The following MOXD1 variants were observed in gnomAD, a reference collection of about 807,000 sequenced individuals.
The protein encoded by MOXD1 is DBH-like monooxygenase protein 1.
A neutral mutation model predicts 66.6 loss-of-function variants in MOXD1; 62 were observed. The ratio of observed to expected loss-of-function variants is 0.93; its 90% confidence interval spans 0.76 to 1.15. The LOEUF (loss-of-function observed/expected upper bound fraction) is 1.15, where lower values mean the gene tolerates loss of function less well. Among genes scored for constraint, MOXD1 ranks in the 50% most tolerant of loss-of-function variants. The pLI is 0.00. For missense variants in MOXD1, 847 were observed against 754.6 expected (o/e 1.12, Z -1.44); for synonymous variants, 303 against 281.9 (o/e 1.07, Z -0.75).
intron 4 of MOXD1, among the ~76,000 whole-genome samples, chr6:132,330,047 G>C (rs1775283714): frequency 1.3e-5 from 2 of 152,102 alleles, no homozygotes; most frequent in Non-Finnish European, 2.9e-5. Flanking sequence ...CAAGAACCTA[G>C]GAATCAACTC....
At chr6:132,399,170 C>G (rs1562303869) in intron 1 of MOXD1, among the ~76,000 whole-genome samples, 1 of 152,048 alleles carries the variant, frequency 6.6e-6, no homozygotes. Context: ...TTTAAGTTAA[C>G]TGTCTTTCCA....
At chr6:132,303,766 T>C (rs1459308562) in intron 10 of MOXD1, among the ~76,000 whole-genome samples, 2 of 137,100 alleles carry the variant, frequency 1.5e-5, no homozygotes, top group African/African-American at 2.9e-5. Flanking sequence ...TATATATATA[T>C]ATACATACAT....
At chr6:132,370,806 G>A (rs1284572830) in intron 4 of MOXD1, among the ~76,000 whole-genome samples, 1 of 152,048 alleles carries the variant, frequency 6.6e-6, no homozygotes, top group Admixed American at 6.6e-5. Context: ...TTAATTCTAA[G>A]TTCATGTGTC....
intron 10 of MOXD1, among the ~76,000 whole-genome samples, chr6:132,302,029 T>C (rs1022317917): frequency 6.6e-6 from 1 of 152,156 alleles, no homozygotes; most frequent in Non-Finnish European, 1.5e-5. Context: ...GAAGCTTACA[T>C]ATTCAAGGTA....
chr6:132,374,513 A>T, intron 2 of MOXD1, 118 bp downstream of exon 2: 1 of 1,060,520 alleles, frequency 9.4e-7, no homozygotes, highest in Non-Finnish European at 1.2e-6. Flanking sequence ...AAAATCAAAA[A>T]AGATTTCAAA....
intron 4 of MOXD1, among the ~76,000 whole-genome samples, chr6:132,342,593 T>C (rs550179542): frequency 6.6e-6 from 1 of 152,228 alleles, no homozygotes; most frequent in Non-Finnish European, 1.5e-5. Context: ...ACATGAAGAT[T>C]AGATCTTGCT....
intron 8 of MOXD1, among the ~76,000 whole-genome samples, 163 bp from the exon 9 acceptor site, chr6:132,320,851 TAAC>T (rs1775064160): frequency 6.6e-6 from 1 of 152,234 alleles, no homozygotes; most frequent in African/African-American, 2.4e-5. Flanking sequence ...TTTGCTGATA[TAAC>T]AAGCAAGCAA....
chr6:132,356,055 G>A (rs1775904633), intron 4 of MOXD1, among the ~76,000 whole-genome samples: 1 of 152,204 alleles, frequency 6.6e-6, no homozygotes, highest in Admixed American at 6.5e-5. Context: ...AGTGATTTAA[G>A]TCAGCAAACT....
chr6:132,315,799 A>G, intron 9 of MOXD1, 22 bp from the exon 10 acceptor site: 1 of 1,612,102 alleles, frequency 6.2e-7, no homozygotes, highest in Non-Finnish European at 8.5e-7. Flanking sequence ...TAGTTTATTT[A>G]GCAAAGTATG....
intron 10 of MOXD1, among the ~76,000 whole-genome samples, chr6:132,298,936 AAAAT>A (rs1485847537): frequency 2.6e-5 from 4 of 152,244 alleles, no homozygotes; most frequent in Admixed American, 2.6e-4. Flanking sequence ...CACCCAAAGG[AAAAT>A]AAATAGTTCT....
At chr6:132,337,979 C>A (rs183712069) in intron 4 of MOXD1, among the ~76,000 whole-genome samples, 1 of 152,130 alleles carries the variant, frequency 6.6e-6, no homozygotes, top group African/African-American at 2.4e-5. Context: ...TGCGACTAAC[C>A]AGCTGTGGGA....
chr6:132,308,638 C>T (rs978849954), intron 10 of MOXD1, among the ~76,000 whole-genome samples: 19 of 152,074 alleles, frequency 1.2e-4, no homozygotes, highest in African/African-American at 4.3e-4. Flanking sequence ...ACTGGCAAAC[C>T]AAATCCAGCA....
intron 4 of MOXD1, among the ~76,000 whole-genome samples, chr6:132,334,569 C>A (rs900197254): frequency 6.6e-6 from 1 of 152,238 alleles, no homozygotes; most frequent in African/African-American, 2.4e-5. Flanking sequence ...TCATAACTCA[C>A]ACTTTTGCCT....
intron 10 of MOXD1, among the ~76,000 whole-genome samples, chr6:132,299,034 A>T (rs1774472221): frequency 6.6e-6 from 1 of 152,218 alleles, no homozygotes; most frequent in Non-Finnish European, 1.5e-5. Flanking sequence ...GGTGTCCATC[A>T]AAGGTGGACT....
intron 9 of MOXD1, among the ~76,000 whole-genome samples, chr6:132,319,869 T>C (rs1261963844): frequency 6.6e-6 from 1 of 152,192 alleles, no homozygotes; most frequent in Non-Finnish European, 1.5e-5. Context: ...TTGAATTTAA[T>C]GAATGCTTTC....
At chr6:132,398,460 G>A (rs1185365477) in intron 1 of MOXD1, among the ~76,000 whole-genome samples, 1 of 152,148 alleles carries the variant, frequency 6.6e-6, no homozygotes, top group East Asian at 1.9e-4. Flanking sequence ...GACTAGGATA[G>A]CAACTTAGGT....
chr6:132,339,819 A>C (rs908593730), intron 4 of MOXD1, among the ~76,000 whole-genome samples: 1 of 151,604 alleles, frequency 6.6e-6, no homozygotes, highest in South Asian at 2.1e-4. Context: ...TAGCCTAAGG[A>C]TGAAGATAAT....
intron 1 of MOXD1, among the ~76,000 whole-genome samples, chr6:132,385,686 G>T (rs1475194962): frequency 2.0e-5 from 3 of 151,852 alleles, no homozygotes; most frequent in Non-Finnish European, 4.4e-5. Context: ...GTTTCACCAT[G>T]TTGGCCAGGC....
intron 8 of MOXD1, among the ~76,000 whole-genome samples, chr6:132,321,589 C>T (rs1320963435): frequency 3.3e-5 from 5 of 152,074 alleles, no homozygotes; most frequent in African/African-American, 7.2e-5. Flanking sequence ...GACCTGAGGC[C>T]GTAATCTCTG....
Sources: allele counts gnomAD v4.1 joint callset (sites outside exome capture counted in the v4.1 genomes callset), GRCh38; gene constraint gnomAD v4.1.1; transcripts MANE v1.5; gene names NCBI Gene and HGNC (gene_info 2026-07-23, HGNC 2026-07-21).